Variants in CNTN4 observed in about 807,000 individuals in gnomAD.
CNTN4 encodes contactin 4.
CNTN4 carries 77 observed loss-of-function variants against 122.5 expected under a neutral mutation model. That is an observed-to-expected ratio of 0.63 (90% CI 0.52 to 0.76). The LOEUF (loss-of-function observed/expected upper bound fraction) is 0.76, where lower values mean the gene tolerates loss of function less well. CNTN4 is among the 30% of genes least tolerant of loss of function. CNTN4 has a pLI of 0.00. For missense variants in CNTN4, 1,256 were observed against 1,259.1 expected, an observed-to-expected ratio of 1.00 and a Z score of 0.04; for synonymous variants, 512 against 447.0, an observed-to-expected ratio of 1.15 and a Z score of -1.83.
intron 2 of CNTN4, among the ~76,000 whole-genome samples, chr3:2,116,085 C>A (rs563024368): frequency 6.6e-6 from 1 of 152,162 alleles, no homozygotes; most frequent in Non-Finnish European, 1.5e-5. Context: ...GGACCCCAAT[C>A]CTGATGATCT....
At position 2,972,353 on chromosome 3, in the gene CNTN4, C is replaced by T. The variant is rs530910671; in HGVS notation, c.1359-15992C>T. ...TCCTACACATACACATACAGACACA[C>T]ACACTCAAAGATTTTAATAAATTCC... On this transcript the variant is annotated intron_variant, in intron 13 of 24. Coordinates refer to ENST00000418658, the MANE Select transcript of CNTN4 (RefSeq NM_175607.3). 2.0e-5 allele frequency among the ~76,000 whole-genome samples: 3 copies of T among 152,176 alleles called. No homozygotes were observed. The South Asian group carries it at 6.2e-4, about 32-fold the overall frequency.
At chr3:2,690,831 C>T (rs958203288) in intron 4 of CNTN4, among the ~76,000 whole-genome samples, 1 of 152,182 alleles carries the variant, frequency 6.6e-6, no homozygotes, top group Non-Finnish European at 1.5e-5. Context: ...TGCAACACAG[C>T]CACACTCATT....
intron 3 of CNTN4, among the ~76,000 whole-genome samples, chr3:2,562,552 A>G (rs770820230): frequency 6.6e-6 from 1 of 152,118 alleles, no homozygotes. Context: ...CCTGCAAAGA[A>G]CATCATTTCA....
intron 4 of CNTN4, among the ~76,000 whole-genome samples, chr3:2,606,683 C>T (rs62232684): frequency 0.29 from 44,046 of 151,956 alleles, 7,423 homozygotes; most frequent in Middle Eastern, 0.43. Context: ...ATGCTCCTAC[C>T]CCTGCTTGTT....
intron 6 of CNTN4, among the ~76,000 whole-genome samples, chr3:2,793,502 T>A (rs2092076742): frequency 6.6e-6 from 1 of 152,118 alleles, no homozygotes; most frequent in Non-Finnish European, 1.5e-5. Context: ...GATGTTTGCC[T>A]TCATGAAATA....
intron 3 of CNTN4, among the ~76,000 whole-genome samples, chr3:2,532,270 A>G (rs1048626530): frequency 7.2e-5 from 11 of 151,726 alleles, no homozygotes; most frequent in African/African-American, 2.7e-4. Context: ...TGTTTTTTTG[A>G]GAGACAGCAT....
At chr3:2,347,158 C>T (rs114913537) in intron 3 of CNTN4, among the ~76,000 whole-genome samples, 2,528 of 152,240 alleles carry the variant, frequency 0.017, 41 homozygotes, top group Non-Finnish European at 0.02. Flanking sequence ...TAGCAAACAG[C>T]CCCAAGTGTC....
intron 12 of CNTN4, among the ~76,000 whole-genome samples, chr3:2,909,370 C>T (rs559300900): frequency 4.0e-5 from 6 of 151,762 alleles, no homozygotes; most frequent in East Asian, 1.9e-4. Context: ...CAGAATTACA[C>T]GTGAAAGCCT....
chr3:3,056,154 G>C lies in CNTN4; in HGVS notation c.3015G>C (p.Ser1005=), dbSNP rs953937528. The C allele has an allele frequency of 3.1e-6, 5 of 1,613,926 alleles. No homozygotes were observed. The highest frequency in any genetic ancestry group is 4.2e-6 in the Non-Finnish European group (5 of 1,179,962). The part of the protein sequence containing the change: ...AYARGSGAST[S]NACTLSAIST... ...CGAGAGGATCTGGGGCTTCCACTTCGAATGCATGTACGCTGTCAGCCATCA... is the reference window on the plus strand; with the variant it reads ...CGAGAGGATCTGGGGCTTCCACTTCCAATGCATGTACGCTGTCAGCCATCA... Residue 1005 remains serine (S), a synonymous_variant, in exon 25 of 25, where the codon TCG becomes TCC. Coordinates refer to ENST00000418658, the MANE Select transcript of CNTN4 (RefSeq NM_175607.3).
intron 2 of CNTN4, among the ~76,000 whole-genome samples, chr3:2,323,475 T>G (rs1145043): frequency 0.83 from 126,216 of 152,158 alleles, 52,845 homozygotes; most frequent in East Asian, 1. Flanking sequence ...TTACAGACTT[T>G]TAGAAGTATT....
chr3:2,807,371 T>C (rs761331118), intron 6 of CNTN4, among the ~76,000 whole-genome samples: 14 of 152,324 alleles, frequency 9.2e-5, no homozygotes, highest in Non-Finnish European at 1.8e-4. Context: ...TTTTCAAAAC[T>C]GTAATTAAAT....
chr3:2,579,205 G>A (rs1044533022), intron 4 of CNTN4, among the ~76,000 whole-genome samples: 16 of 152,294 alleles, frequency 1.1e-4, no homozygotes, highest in East Asian at 5.8e-4. Flanking sequence ...AGTCTAGGGC[G>A]TATTGTATCT....
intron 3 of CNTN4, among the ~76,000 whole-genome samples, chr3:2,505,544 T>C (rs895870417): frequency 6.6e-6 from 1 of 152,216 alleles, no homozygotes; most frequent in Middle Eastern, 3.2e-3. Context: ...ACCAGCCTGT[T>C]GTGAATTTGC....
intron 18 of CNTN4, among the ~76,000 whole-genome samples, chr3:3,038,167 T>C (rs924949775): frequency 1.3e-5 from 2 of 152,202 alleles, no homozygotes; most frequent in African/African-American, 2.4e-5. Flanking sequence ...TTTTTAAATG[T>C]GGCCCGGAGC....
At chr3:2,374,540 T>C (rs1294404340) in intron 3 of CNTN4, among the ~76,000 whole-genome samples, 2 of 152,104 alleles carry the variant, frequency 1.3e-5, no homozygotes, top group East Asian at 3.9e-4. Context: ...TCACATAAAC[T>C]AAAAACCTCC....
intron 4 of CNTN4, among the ~76,000 whole-genome samples, chr3:2,725,758 G>T (rs1196693720): frequency 6.6e-6 from 1 of 152,100 alleles, no homozygotes; most frequent in Non-Finnish European, 1.5e-5. Context: ...CAGAGAGAAG[G>T]CTTTTGCCTG....
At chr3:2,884,098 C>CTT (rs35945793) in intron 9 of CNTN4, among the ~76,000 whole-genome samples, 1 of 146,964 alleles carries the variant, frequency 6.8e-6, no homozygotes, top group Non-Finnish European at 1.5e-5. Flanking sequence ...ACAACAGTAA[C>CTT]TTTTTTTTTT....
intron 3 of CNTN4, among the ~76,000 whole-genome samples, chr3:2,495,392 C>T (rs1283935070): frequency 7.2e-5 from 11 of 152,218 alleles, no homozygotes; most frequent in Admixed American, 7.2e-4. Flanking sequence ...CAGCCATTTA[C>T]AAATATGACT....
At chr3:2,684,149 T>G (rs533641160) in intron 4 of CNTN4, among the ~76,000 whole-genome samples, 1 of 152,246 alleles carries the variant, frequency 6.6e-6, no homozygotes, top group African/African-American at 2.4e-5. Flanking sequence ...GAGTCTCCAT[T>G]TAAAATTTAA....
Sources: allele counts gnomAD v4.1 joint callset (sites outside exome capture counted in the v4.1 genomes callset), GRCh38; gene constraint gnomAD v4.1.1; transcripts MANE v1.5; gene names NCBI Gene and HGNC (gene_info 2026-07-23, HGNC 2026-07-21).